Variants in DPH7 observed in about 807,000 individuals in gnomAD.
DPH7 encodes the protein diphthamide biosynthesis 7, also known as diphthine methyltransferase.
DPH7 carries 44 observed loss-of-function variants against 41.7 expected under a neutral mutation model. That is an observed-to-expected ratio of 1.05 (90% CI 0.83 to 1.36). The LOEUF (loss-of-function observed/expected upper bound fraction) is 1.36. Ranked by LOEUF, DPH7 falls within the 40% of genes most tolerant of loss-of-function variation. The probability of loss-of-function intolerance (pLI) is 0.00; values close to 1 mark genes in which losing one functional copy is unlikely to be tolerated. For missense variants in DPH7, 629 were observed against 577.5 expected (o/e 1.09, Z -0.91); for synonymous variants, 275 against 238.0 (o/e 1.16, Z -1.43).
rs1837135598 is a variant in DPH7 at position 137,554,461 on chromosome 9, T to C, written c.*778A>G. Among the ~76,000 whole-genome samples, 1 of 152,166 alleles carries C rather than the reference T, an allele frequency of 6.6e-6. No individual in the cohort carries two copies. The highest frequency in any genetic ancestry group is 2.4e-5 in the African/African-American group (1 of 41,424). ...GTCCTCAATTATTGTTTATACAATT[T>C]TTTATTATTTAATTTTTAGAGATAA... On this transcript the variant is annotated 3_prime_UTR_variant, in exon 9 of 9. Coordinates refer to ENST00000277540, the MANE Select transcript of DPH7 (RefSeq NM_138778.5).
intron 5 of DPH7, among the ~76,000 whole-genome samples, chr9:137,570,243 G>A (rs981554118): frequency 2.0e-5 from 3 of 151,756 alleles, no homozygotes; most frequent in Non-Finnish European, 4.4e-5. Flanking sequence ...ATGAACCAGC[G>A]GAATCAGCTG....
intron 5 of DPH7, among the ~76,000 whole-genome samples, chr9:137,573,600 G>A (rs1369622968): frequency 7.1e-6 from 1 of 141,542 alleles, no homozygotes; most frequent in African/African-American, 2.6e-5. Context: ...GGAGAATGGC[G>A]TGAACCCAGG....
At chr9:137,558,058 C>G (rs1387597211) in intron 8 of DPH7, among the ~76,000 whole-genome samples, 1 of 152,104 alleles carries the variant, frequency 6.6e-6, no homozygotes, top group Non-Finnish European at 1.5e-5. Context: ...GTTGCTTGAA[C>G]CCGGAAGGTG....
chr9:137,571,598 G>A (rs1182847851), intron 5 of DPH7, among the ~76,000 whole-genome samples: 1 of 152,008 alleles, frequency 6.6e-6, no homozygotes, highest in Admixed American at 6.6e-5. Context: ...GACCAGCCTG[G>A]GCAACATGGT....
At chr9:137,559,805 A>C (rs533847666) in intron 8 of DPH7, among the ~76,000 whole-genome samples, 1 of 152,270 alleles carries the variant, frequency 6.6e-6, no homozygotes, top group East Asian at 1.9e-4. Flanking sequence ...TTTGCTTTGT[A>C]TCCAATAAAT....
chr9:137,578,649 G>A lies in DPH7; in HGVS notation c.129C>T (p.Asp43=), dbSNP rs1184187953. 2 of 1,518,246 alleles carry A rather than the reference G, an allele frequency of 1.3e-6. No homozygotes were observed. The highest frequency in any genetic ancestry group is 2.1e-5 in the Admixed American group (1 of 48,064). 94.0% of individuals were successfully genotyped at this position (1,518,246 alleles called of 1,614,324 possible). Residue 43 remains aspartate (D), a synonymous_variant, in exon 1 of 9, where the codon GAC becomes GAT. Transcript: ENST00000277540. ...CCTTGTTCTGGGGGCCGGCAGGCCG[G>A]TCCTCCGGCCGCCGCAGCTGGTAGG... The part of the protein sequence containing the change: ...CGTYQLRRPE[D]RPAGPQNKGG...
chr9:137,564,790 T>TGGTGCCAGGAGGAAAGGCAGCGAA, intron 7 of DPH7, 103 bp downstream of exon 7: 1 of 1,450,638 alleles, frequency 6.9e-7, no homozygotes, highest in Admixed American at 2.0e-5. Flanking sequence ...AATGCTGCAA[T>TGGTGCCAGGAGGAAAGGCAGCGAA]GGTGCCAGGA....
Position 137,555,309 on chromosome 9 carries a change from G to C in DPH7, c.1289C>G (p.Ala430Gly), listed in dbSNP as rs1837272732. The C allele has an allele frequency of 6.2e-7, 1 of 1,614,178 alleles. No individual in the cohort carries two copies. Among genetic ancestry groups the C allele is most frequent in the African/African-American group, 1.3e-5 (1 of 75,072 alleles). Residue 430 changes from alanine (A) to glycine (G), a missense_variant, in exon 9 of 9, where the codon GCC (alanine) becomes GGC (glycine). Ala to Gly is a moderately conservative substitution (Grantham distance 60). Coordinates refer to ENST00000277540, the MANE Select transcript of DPH7 (RefSeq NM_138778.5). ...GGAGCAGGTGGCCAGGAGGCTGAAG[G>C]CTGAGTCTGCTTCTTCTGGGTTCAC... ...CGVNPEEADSAFSLLATCSFY... is the reference protein window; with the variant it reads ...CGVNPEEADSGFSLLATCSFY...
chr9:137,558,399 T>TA (rs920029069), intron 8 of DPH7, among the ~76,000 whole-genome samples: 14 of 148,680 alleles, frequency 9.4e-5, no homozygotes, highest in Non-Finnish European at 1.0e-4. Context: ...ACCCTCTCTT[T>TA]AAAAAAAAAA....
chr9:137,578,861 G>C lies in DPH7; in HGVS notation c.-84C>G. ...GGGTACTGCGCGGGGCGGCGAGGCC[G>C]GGGCCGGCCGGACGAGCGCAGAGCC... On this transcript the variant is annotated 5_prime_UTR_variant, in exon 1 of 9. Transcript: ENST00000277540. 1 of 1,294,818 alleles carries C rather than the reference G, an allele frequency of 7.7e-7. No homozygotes were observed. The highest frequency in any genetic ancestry group is 9.9e-7 in the Non-Finnish European group (1 of 1,011,300). The allele number at this position is 1,294,818 out of a possible 1,614,324, so 80.2% of individuals were successfully genotyped here.
chr9:137,555,595 C>T lies in DPH7; in HGVS notation c.1003G>A (p.Val335Met). The change falls in exon 9 of 9, where the codon GTG becomes ATG. Residue 335 changes from valine to methionine, a missense_variant. Transcript: ENST00000277540. ...LTSHTLPDSL[V>M]YGADWSWLLF... ...AGCCAGGACCAGTCGGCTCCATACACCAGCGAGTCGGGCAATGTGTGAGAT... is the reference window on the plus strand; with the variant it reads ...AGCCAGGACCAGTCGGCTCCATACATCAGCGAGTCGGGCAATGTGTGAGAT... The T allele has an allele frequency of 2.5e-6, 4 of 1,612,790 alleles. No homozygotes were observed. Among genetic ancestry groups the T allele is most frequent in the Non-Finnish European group, 3.4e-6 (4 of 1,179,286 alleles).
At chr9:137,569,750 C>G (rs948232299) in intron 5 of DPH7, among the ~76,000 whole-genome samples, 3 of 148,298 alleles carry the variant, frequency 2.0e-5, no homozygotes, top group Non-Finnish European at 4.5e-5. Flanking sequence ...ATCCATCCAT[C>G]CATCCAACAA....
At position 137,574,256 on chromosome 9, in the gene DPH7, C is replaced by T. The variant is rs778781902; in HGVS notation, c.592G>A (p.Ala198Thr). ...CAGTAATTGAAAGCAGCAATCCAGG[C>T]CTCGAATTGATGTGCCTGCCATGAG... is the stretch of plus-strand genomic sequence containing the variant. ...VASWQAHQFE[A>T]WIAAFNYWHP... The change falls in exon 5 of 9, where the codon GCC becomes ACC. Residue 198 changes from alanine to threonine, a missense_variant. Coordinates refer to ENST00000277540, the MANE Select transcript of DPH7 (RefSeq NM_138778.5). 6.2e-7 allele frequency: 1 copy of T among 1,614,164 alleles called. No individual in the cohort carries two copies. Among genetic ancestry groups the T allele is most frequent in the Non-Finnish European group, 8.5e-7 (1 of 1,180,032 alleles).
chr9:137,564,718 G>C, intron 7 of DPH7, 112 bp from the exon 8 acceptor site: 6 of 1,480,338 alleles, frequency 4.1e-6, no homozygotes, highest in Non-Finnish European at 5.5e-6. Flanking sequence ...TGCATCCCTC[G>C]AGGACAAAGT....
intron 8 of DPH7, 121 bp from the exon 9 acceptor site, chr9:137,555,769 A>C: frequency 8.5e-7 from 1 of 1,169,938 alleles, no homozygotes; most frequent in South Asian, 1.6e-5. Context: ...GTGTTTCCTG[A>C]GGAGCCGTTG....
In DPH7 at chr9:137,577,475, C is replaced by A. The variant is rs749724708; in HGVS notation, c.282G>T (p.Met94Ile). 10 of 1,613,946 alleles carry A rather than the reference C, an allele frequency of 6.2e-6. No homozygotes were observed. Among genetic ancestry groups the A allele is most frequent in the Non-Finnish European group, 6.8e-6 (8 of 1,179,920 alleles). ...TGGGATTATCACAGTTATACCATTT[C>A]ATGTCCAGGATTGCAGAAGTATCTT... ...QRKDTSAILD[M>I]KWCHIPVAGH... Residue 94 changes from methionine (M) to isoleucine (I), a missense_variant, in exon 2 of 9, where the codon ATG (methionine) becomes ATT (isoleucine). Transcript: ENST00000277540.
At chr9:137,561,126 G>A (rs1279574288) in intron 8 of DPH7, among the ~76,000 whole-genome samples, 1 of 152,014 alleles carries the variant, frequency 6.6e-6, no homozygotes, top group Non-Finnish European at 1.5e-5. Flanking sequence ...TCTGAAAAGG[G>A]AGTTATTGAC....
At chr9:137,575,071 TC>T in intron 3 of DPH7, 1 of 1,314,922 alleles carries the variant, frequency 7.6e-7, no homozygotes, top group Non-Finnish European at 9.7e-7. Flanking sequence ...AGGACAACTT[TC>T]CCACAGGCTT....
intron 5 of DPH7, among the ~76,000 whole-genome samples, chr9:137,572,459 A>T (rs1840609022): frequency 6.6e-6 from 1 of 152,224 alleles, no homozygotes; most frequent in African/African-American, 2.4e-5. Flanking sequence ...TTTTTAAAAC[A>T]CTTGCTTGGC....
Sources: gnomAD v4.1 joint callset for allele counts (sites outside exome capture counted in the v4.1 genomes callset) on GRCh38, gnomAD v4.1.1 for gene constraint, MANE v1.5 for transcripts, NCBI Gene and HGNC (gene_info 2026-07-23, HGNC 2026-07-21) for gene names.